BBS9: variants seen among roughly 807,000 people sequenced by gnomAD.
BBS9 encodes the protein protein PTHB1.
In BBS9, 89 loss-of-function variants were observed where a neutral mutation model predicts 117.7. The ratio of observed to expected loss-of-function variants is 0.76; its 90% CI spans 0.64 to 0.90. The LOEUF is 0.90. Ranked by LOEUF, BBS9 falls within the 40% of genes least tolerant of loss-of-function variation. The probability of loss-of-function intolerance (pLI) is 0.00; values close to 1 mark genes in which losing one functional copy is unlikely to be tolerated. For synonymous variants in BBS9, 379 were observed against 370.9 expected (o/e 1.02, Z -0.25); for missense variants, 982 against 1,042.2 (o/e 0.94, Z 0.80).
At chr7:33,212,294 C>G (rs1788170215) in intron 5 of BBS9, among the ~76,000 whole-genome samples, 1 of 152,174 alleles carries the variant, frequency 6.6e-6, no homozygotes, top group Non-Finnish European at 1.5e-5. Context: ...TTCAAATAGG[C>G]TATCTTCAAG....
chr7:33,242,363 T>C (rs1294178021), intron 5 of BBS9, among the ~76,000 whole-genome samples: 1 of 152,084 alleles, frequency 6.6e-6, no homozygotes, highest in African/African-American at 2.4e-5. Context: ...AATATGAGGA[T>C]CTACTAGATT....
At chr7:33,184,329 T>G (rs942570962) in intron 5 of BBS9, among the ~76,000 whole-genome samples, 2 of 152,178 alleles carry the variant, frequency 1.3e-5, no homozygotes, top group African/African-American at 4.8e-5. Flanking sequence ...AAGCTCCCCA[T>G]GTCCGGTGAT....
intron 15 of BBS9, chr7:33,357,621 C>G: frequency 1.7e-6 from 1 of 577,786 alleles, no homozygotes; most frequent in Non-Finnish European, 3.1e-6. Context: ...CTATTAAAGA[C>G]AGATCTCATG....
At chr7:33,571,092 T>A (rs1857702107) in intron 21 of BBS9, among the ~76,000 whole-genome samples, 1 of 152,204 alleles carries the variant, frequency 6.6e-6, no homozygotes, top group Non-Finnish European at 1.5e-5. Context: ...TTTACTGTGG[T>A]TATATAAGAT....
chr7:33,557,760 G>A (rs559910354), intron 21 of BBS9, among the ~76,000 whole-genome samples: 1 of 152,374 alleles, frequency 6.6e-6, no homozygotes, highest in African/African-American at 2.4e-5. Flanking sequence ...CGATCCTGCA[G>A]TTGGCTTGGG....
intron 21 of BBS9, among the ~76,000 whole-genome samples, chr7:33,600,441 C>G (rs749343316): frequency 6.6e-6 from 1 of 151,776 alleles, no homozygotes; most frequent in South Asian, 2.1e-4. Flanking sequence ...TATAGAGAGC[C>G]GGGTTACAGT....
chr7:33,632,119 C>T (rs187472672), intron 21 of BBS9, among the ~76,000 whole-genome samples: 1 of 152,170 alleles, frequency 6.6e-6, no homozygotes, highest in East Asian at 1.9e-4. Context: ...ATAAGGAGAA[C>T]GGGGTAGGTG....
At chr7:33,331,671 A>C (rs1291237556) in intron 9 of BBS9, among the ~76,000 whole-genome samples, 1 of 151,040 alleles carries the variant, frequency 6.6e-6, no homozygotes, top group African/African-American at 2.4e-5. Flanking sequence ...CAAAAAAAAA[A>C]AAAAACCACA....
intron 5 of BBS9, among the ~76,000 whole-genome samples, chr7:33,200,841 C>G (rs1006467863): frequency 1.3e-5 from 2 of 152,112 alleles, no homozygotes; most frequent in South Asian, 4.1e-4. Flanking sequence ...GAGGATGAAT[C>G]AGTAGAAAAA....
At chr7:33,471,300 G>A (rs1177052511) in intron 19 of BBS9, among the ~76,000 whole-genome samples, 1 of 152,188 alleles carries the variant, frequency 6.6e-6, no homozygotes, top group Non-Finnish European at 1.5e-5. Context: ...AGAAGTTGGT[G>A]AAGTTTAAAA....
chr7:33,489,176 T>C (rs1843550240), intron 19 of BBS9, among the ~76,000 whole-genome samples: 1 of 151,778 alleles, frequency 6.6e-6, no homozygotes, highest in South Asian at 2.1e-4. Context: ...GTATTTTTAG[T>C]AGAGATGGGG....
At chr7:33,307,706 T>C (rs1808314948) in intron 9 of BBS9, among the ~76,000 whole-genome samples, 1 of 152,276 alleles carries the variant, frequency 6.6e-6, no homozygotes, top group Non-Finnish European at 1.5e-5. Flanking sequence ...ATAGTTGTTA[T>C]ACTGTATTTT....
intron 20 of BBS9, among the ~76,000 whole-genome samples, chr7:33,520,894 AGTT>A (rs565185714): frequency 6.3e-4 from 96 of 152,260 alleles, no homozygotes; most frequent in African/African-American, 2.2e-3. Flanking sequence ...GTTCTTTTCC[AGTT>A]GTTCTCACTG....
At chr7:33,608,316 T>C (rs1864688988), downstream of BBS9, among the ~76,000 whole-genome samples, 1 of 152,160 alleles carries the variant, frequency 6.6e-6, no homozygotes, top group Non-Finnish European at 1.5e-5. Context: ...TGATTCCATG[T>C]CTTTACTATT....
In BBS9 at chr7:33,523,215, T is replaced by G. The variant is rs1335955691; in HGVS notation, c.2299-10739T>G. 2.7e-5 allele frequency among the ~76,000 whole-genome samples: 4 copies of G among 148,604 alleles called. No individual in the cohort carries two copies. In the East Asian group the frequency reaches 5.9e-4, roughly 22 times the overall value. On this transcript the variant is annotated intron_variant, in intron 20 of 22. Coordinates refer to ENST00000242067, the MANE Select transcript of BBS9 (RefSeq NM_198428.3). ...CAGCTTTGTTCTTTTGGCTTAGGAT[T>G]GCCTTGGTGATGCGGGCTCTTTTTT...
chr7:33,591,523 C>G (rs1331959185), intron 21 of BBS9, among the ~76,000 whole-genome samples: 1 of 151,994 alleles, frequency 6.6e-6, no homozygotes. Context: ...GAAGGACTTG[C>G]CAACACCCGT....
chr7:33,211,984 G>T (rs1456297667), intron 5 of BBS9, among the ~76,000 whole-genome samples: 1 of 152,036 alleles, frequency 6.6e-6, no homozygotes, highest in Non-Finnish European at 1.5e-5. Flanking sequence ...CTTTTCTTTT[G>T]CTGCTTTTAC....
Position 33,340,993 on chromosome 7 carries a change from T to A in BBS9, c.1275+20T>A, listed in dbSNP as rs1816414026. The stretch of plus-strand genomic sequence containing the variant: ...GTTTCTGTAGGTGTACTTGCAGATT[T>A]TAAAGGGGTTTATAAGAGTGGTAAA... On this transcript the variant is annotated intron_variant, in intron 11 of 22. Coordinates refer to ENST00000242067, the MANE Select transcript of BBS9 (RefSeq NM_198428.3). 14 of 1,598,948 alleles carry A rather than the reference T, an allele frequency of 8.8e-6. No homozygotes were observed. The East Asian group carries it at 3.1e-4, about 36-fold the overall frequency.
chr7:33,166,657 C>CCCACCTAGCCAGGCGTGGGAT (rs1286695579), intron 4 of BBS9, among the ~76,000 whole-genome samples: 14 of 152,312 alleles, frequency 9.2e-5, no homozygotes, highest in African/African-American at 3.4e-4. Flanking sequence ...GGGCGTGGGA[C>CCCACCTAGCCAGGCGTGGGAT]CCACCTAGCC....
Sources: allele counts gnomAD v4.1 joint callset (sites outside exome capture counted in the v4.1 genomes callset), GRCh38; gene constraint gnomAD v4.1.1; transcripts MANE v1.5; gene names NCBI Gene and HGNC (gene_info 2026-07-23, HGNC 2026-07-21).